Variants in GRID2 observed in about 807,000 individuals in gnomAD.
GRID2 encodes the protein glutamate ionotropic receptor delta type subunit 2.
Under a neutral mutation model 114.8 loss-of-function variants are expected in GRID2, and 33 were observed. The ratio of observed to expected loss-of-function variants is 0.29; its 90% confidence interval spans 0.22 to 0.38. The LOEUF (loss-of-function observed/expected upper bound fraction) is 0.38, where lower values mean the gene tolerates loss of function less well. Ranked by LOEUF, GRID2 falls within the 10% of genes least tolerant of loss-of-function variation. The pLI is 1.00. For missense variants in GRID2, 1,184 were observed against 1,257.7 expected, an observed-to-expected ratio of 0.94 and a Z score of 0.89; for synonymous variants, 505 against 449.9, an observed-to-expected ratio of 1.12 and a Z score of -1.55.
Position 92,938,577 on chromosome 4 carries a change from A to G in GRID2, c.245-146418A>G, listed in dbSNP as rs1393606773. Among the ~76,000 whole-genome samples, 6 of 145,958 alleles carry G rather than the reference A, an allele frequency of 4.1e-5. 1 individual carries two copies. In the East Asian group the frequency reaches 1.3e-3, roughly 31 times the overall value. ...TTAATGTCAATATTTCTTTTTTTTTATTATACTTTAAGTTTTAGGGTACAT... is the reference window on the plus strand; with the variant it reads ...TTAATGTCAATATTTCTTTTTTTTTGTTATACTTTAAGTTTTAGGGTACAT... On this transcript the variant is annotated intron_variant, in intron 2 of 15. Transcript: ENST00000282020.
At chr4:93,374,503 G>A (rs376922652) in intron 8 of GRID2, among the ~76,000 whole-genome samples, 1 of 152,128 alleles carries the variant, frequency 6.6e-6, no homozygotes, top group African/African-American at 2.4e-5. Flanking sequence ...TATTTGGTTA[G>A]TATATTGTAA....
chr4:93,782,096 C>A (rs938217719), intron 1 of GRID2, among the ~76,000 whole-genome samples: 1 of 152,136 alleles, frequency 6.6e-6, no homozygotes, highest in Admixed American at 6.5e-5. Flanking sequence ...TAGAATTTAT[C>A]ATGTTTCCCA....
chr4:92,457,210 A>C (rs1349322796), intron 1 of GRID2, among the ~76,000 whole-genome samples: 1 of 152,052 alleles, frequency 6.6e-6, no homozygotes, highest in Non-Finnish European at 1.5e-5. Context: ...ACCAAGTTCA[A>C]TTGGCTTAAA....
Position 92,450,255 on chromosome 4 carries a change from TAATAGTAGAATG to T in GRID2, c.89-139870_89-139859del, listed in dbSNP as rs1311545597. On this transcript the variant is annotated intron_variant, in intron 1 of 15. Coordinates refer to ENST00000282020, the MANE Select transcript of GRID2 (RefSeq NM_001510.4). Reference sequence around the variant, plus strand: ...TGATGTATAATAGGTGCAGAATTTATAATAGTAGAATGAATAGATGAATTTCCTGAAGTAGAA... The same window carrying T: ...TGATGTATAATAGGTGCAGAATTTATAATAGATGAATTTCCTGAAGTAGAA... Among the ~76,000 whole-genome samples, 8 of 152,184 alleles carry T rather than the reference TAATAGTAGAATG, an allele frequency of 5.3e-5. No individual in the cohort carries two copies. The South Asian group carries it at 1.7e-3, about 32-fold the overall frequency.
intron 7 of GRID2, among the ~76,000 whole-genome samples, chr4:93,233,328 TATTA>T (rs1225079629): frequency 2.1e-5 from 2 of 97,220 alleles, no homozygotes; most frequent in African/African-American, 7.6e-5. Flanking sequence ...TTATTATTAT[TATTA>T]TTATTTTTTT....
intron 1 of GRID2, among the ~76,000 whole-genome samples, chr4:92,414,964 G>A (rs1221045538): frequency 6.6e-6 from 1 of 151,954 alleles, no homozygotes; most frequent in African/African-American, 2.4e-5. Context: ...TTGGTATCTA[G>A]ATATACTAGA....
chr4:92,902,501 G>C (rs1747649351), intron 2 of GRID2, among the ~76,000 whole-genome samples: 1 of 152,054 alleles, frequency 6.6e-6, no homozygotes, highest in Middle Eastern at 3.4e-3. Context: ...TTTAGTTTAA[G>C]TTCCATTTGT....
chr4:92,544,807 A>T (rs891778400), intron 1 of GRID2, among the ~76,000 whole-genome samples: 1 of 152,134 alleles, frequency 6.6e-6, no homozygotes, highest in Non-Finnish European at 1.5e-5. Flanking sequence ...GAAAATACAC[A>T]CGTAGTCCTC....
intron 1 of GRID2, among the ~76,000 whole-genome samples, chr4:92,385,509 T>G (rs1054126890): frequency 6.6e-6 from 1 of 151,752 alleles, no homozygotes; most frequent in Non-Finnish European, 1.5e-5. Flanking sequence ...TACAACCATG[T>G]TAACGCTATG....
intron 3 of GRID2, among the ~76,000 whole-genome samples, chr4:93,091,499 A>C (rs1356097289): frequency 6.6e-6 from 1 of 152,112 alleles, no homozygotes; most frequent in Non-Finnish European, 1.5e-5. Flanking sequence ...TTTGAAAGAC[A>C]AATATCATTA....
At chr4:92,973,602 A>G (rs955511127) in intron 2 of GRID2, among the ~76,000 whole-genome samples, 4 of 152,288 alleles carry the variant, frequency 2.6e-5, no homozygotes, top group East Asian at 1.9e-4. Flanking sequence ...AAGTGTAGGA[A>G]GATTAAGAGC....
intron 14 of GRID2, among the ~76,000 whole-genome samples, chr4:93,637,659 G>C (rs1721534835): frequency 6.6e-6 from 1 of 152,160 alleles, no homozygotes; most frequent in Admixed American, 6.6e-5. Flanking sequence ...ATCTGAAATT[G>C]AAACTGTCTT....
At chr4:93,685,287 T>C (rs1160525339) in intron 14 of GRID2, among the ~76,000 whole-genome samples, 2 of 152,032 alleles carry the variant, frequency 1.3e-5, no homozygotes, top group Non-Finnish European at 2.9e-5. Context: ...ACTCCCTTGC[T>C]TTCACTAGCT....
chr4:92,371,923 A>G (rs777164138), intron 1 of GRID2, among the ~76,000 whole-genome samples: 17 of 152,178 alleles, frequency 1.1e-4, no homozygotes, highest in Non-Finnish European at 2.1e-4. Flanking sequence ...AAATATCCAC[A>G]TTAACAGGGC....
intron 1 of GRID2, among the ~76,000 whole-genome samples, chr4:92,331,708 A>C (rs1277981708): frequency 6.6e-6 from 1 of 152,172 alleles, no homozygotes; most frequent in African/African-American, 2.4e-5. Flanking sequence ...TTTTTTTAAA[A>C]TCCTGGTTTA....
chr4:92,944,460 G>C (rs1199484141), intron 2 of GRID2, among the ~76,000 whole-genome samples: 2 of 152,284 alleles, frequency 1.3e-5, no homozygotes, highest in South Asian at 2.1e-4. Context: ...CGATTTTCCA[G>C]GTGCCGTCTG....
intron 8 of GRID2, among the ~76,000 whole-genome samples, chr4:93,286,723 G>GTGTGTGTTTGGCCTGCAAAGGAC (rs149683855): frequency 1.3e-5 from 2 of 150,696 alleles, no homozygotes; most frequent in African/African-American, 4.9e-5. Context: ...GTGTGTGTAT[G>GTGTGTGTTTGGCCTGCAAAGGAC]TTCCCACATT....
intron 13 of GRID2, among the ~76,000 whole-genome samples, chr4:93,522,427 G>A (rs1730429366): frequency 1.3e-5 from 2 of 152,170 alleles, no homozygotes; most frequent in African/African-American, 4.8e-5. Context: ...CAGCATGATT[G>A]TGAGTATTTG....
chr4:93,041,458 A>G (rs896944792), intron 2 of GRID2, among the ~76,000 whole-genome samples: 2 of 152,150 alleles, frequency 1.3e-5, no homozygotes, highest in Non-Finnish European at 2.9e-5. Context: ...GAGTCTTACA[A>G]TCTCTGAAAG....
Sources: allele counts gnomAD v4.1 joint callset (sites outside exome capture counted in the v4.1 genomes callset), GRCh38; gene constraint gnomAD v4.1.1; transcripts MANE v1.5; gene names NCBI Gene and HGNC (gene_info 2026-07-23, HGNC 2026-07-21).